ABCB1: variants seen among roughly 807,000 people sequenced by gnomAD.
The protein encoded by ABCB1 is ATP-dependent translocase ABCB1.
A neutral mutation model predicts 142.0 loss-of-function variants in ABCB1; 69 were observed. The observed-to-expected ratio is 0.49, with a 90% confidence interval of 0.40 to 0.59. The LOEUF is 0.59. Among genes scored for constraint, ABCB1 ranks in the 20% least tolerant of loss-of-function variants. The pLI is 0.00. For missense variants in ABCB1, 1,326 were observed against 1,554.7 expected (o/e 0.85, Z 2.47); for synonymous variants, 532 against 539.2 (o/e 0.99, Z 0.18).
rs757734033 is a variant in ABCB1, at chr7:87,545,994, C to T, written c.1756G>A (p.Ala586Thr). The change falls in exon 15 of 28, where the codon GCT (alanine) becomes ACT (threonine). Residue 586 changes from alanine (A) to threonine (T), a missense_variant. Physicochemically the swap from Ala to Thr is moderately conservative, Grantham distance 58 (BLOSUM62 0). Coordinates refer to ENST00000622132, the MANE Select transcript of ABCB1 (RefSeq NM_001348946.2). ...TTACGAACTGTAGACAAACGATGAG[C>T]TATCACAATGGTGGTCCGACCTTTT... ...ARKGRTTIVI[A>T]HRLSTVRNAD... 1.2e-6 allele frequency: 2 copies of T among 1,613,978 alleles called. No homozygotes were observed. The highest frequency in any genetic ancestry group is 1.3e-5 in the African/African-American group (1 of 74,912).
At position 87,655,132 on chromosome 7, in the gene ABCB1, A is replaced by G. The variant is rs373318122; in HGVS notation, c.-330-54054T>C. On this transcript the variant is annotated intron_variant, in intron 1 of 28. Transcript: ENST00000265724. ...AAACATTATGGAGGTTCCTCAAAAA[A>G]TTAAAAATAGAACTGCCATTAGTCT... 1.3e-4 allele frequency among the ~76,000 whole-genome samples: 20 copies of G among 152,246 alleles called. No homozygotes were observed. In the East Asian group the frequency reaches 3.1e-3, roughly 24 times the overall value.
intron 8 of ABCB1, among the ~76,000 whole-genome samples, chr7:87,560,295 A>G (rs1025315694): frequency 1.1e-4 from 17 of 152,238 alleles, no homozygotes; most frequent in African/African-American, 3.6e-4. Context: ...CTTAACCATT[A>G]TAAATTATTC....
rs2117068010 is a variant in ABCB1 at position 87,509,373 on chromosome 7, T to G, written c.3391A>C (p.Ile1131Leu). 1.9e-6 allele frequency: 3 copies of G among 1,614,176 alleles called. No homozygotes were observed. Among genetic ancestry groups the G allele is most frequent in the Non-Finnish European group, 1.7e-6 (2 of 1,180,024 alleles). The change falls in exon 26 of 28, where the codon ATT becomes CTT. Residue 1131 changes from isoleucine (I) to leucine (L), a missense_variant. Coordinates refer to ENST00000622132, the MANE Select transcript of ABCB1 (RefSeq NM_001348946.2). ...ACCCGGCTGTTGTCTCCATAGGCAA[T>G]GTTCTCAGCAATGCTGCAGTCAAAC... is the stretch of plus-strand genomic sequence containing the variant. ...ILFDCSIAEN[I>L]AYGDNSRVVS...
At chr7:87,520,720 A>T in intron 22 of ABCB1, 56 bp downstream of exon 22, 1 of 1,486,980 alleles carries the variant, frequency 6.7e-7, no homozygotes, top group Non-Finnish European at 9.4e-7. Context: ...TCTGAAAACA[A>T]ATATGATGAT....
intron 1 of ABCB1, among the ~76,000 whole-genome samples, chr7:87,681,858 G>C (rs1357368504): frequency 6.6e-6 from 1 of 152,166 alleles, no homozygotes; most frequent in Non-Finnish European, 1.5e-5. Flanking sequence ...CAAAGAGACA[G>C]CAGTGAATTT....
At chr7:87,588,151 C>CT (rs1355143943) in intron 3 of ABCB1, among the ~76,000 whole-genome samples, 1 of 119,210 alleles carries the variant, frequency 8.4e-6, no homozygotes, top group African/African-American at 2.7e-5. Flanking sequence ...CTCATATTTC[C>CT]TTTTGTTTTT....
At chr7:87,658,942 A>T (rs1200609244) in intron 1 of ABCB1, among the ~76,000 whole-genome samples, 1 of 152,234 alleles carries the variant, frequency 6.6e-6, no homozygotes, top group African/African-American at 2.4e-5. Flanking sequence ...ACTTGAGCTC[A>T]GTAGTTCAAG....
At chr7:87,603,424 C>T (rs1393933525), upstream of ABCB1, among the ~76,000 whole-genome samples, 1 of 152,226 alleles carries the variant, frequency 6.6e-6, no homozygotes, top group African/African-American at 2.4e-5. Context: ...TATCATAGGA[C>T]ACACCACTTC....
Position 87,504,135 on chromosome 7 carries a change from T to G in ABCB1, c.*108A>C, listed in dbSNP as rs201524771. The G allele has an allele frequency of 1.1e-5, 16 of 1,428,912 alleles. No individual in the cohort carries two copies. The South Asian group carries it at 2.0e-4, about 18-fold the overall frequency. 88.5% of individuals were successfully genotyped at this position (1,428,912 alleles called of 1,614,324 possible). A position where few individuals can be genotyped will look rare whatever the true frequency, so the allele number is the denominator to read the frequency against. On this transcript the variant is annotated 3_prime_UTR_variant, in exon 28 of 28. Coordinates refer to ENST00000622132, the MANE Select transcript of ABCB1 (RefSeq NM_001348946.2). ...GACTCTGAACTTGACTGAGGAAATGTTAAACAGATACCTCTTCATAATTCT... is the reference window on the plus strand; with the variant it reads ...GACTCTGAACTTGACTGAGGAAATGGTAAACAGATACCTCTTCATAATTCT...
chr7:87,623,987 C>G (rs1820318259), intron 1 of ABCB1, among the ~76,000 whole-genome samples: 1 of 152,168 alleles, frequency 6.6e-6, no homozygotes. Context: ...ATTTGGCTTT[C>G]ACATTCATTG....
chr7:87,512,676 C>A (rs1425118786), intron 25 of ABCB1, among the ~76,000 whole-genome samples: 2 of 152,184 alleles, frequency 1.3e-5, no homozygotes, highest in Non-Finnish European at 2.9e-5. Context: ...TTATTCAGGG[C>A]TACTCATTGA....
At chr7:87,512,292 A>G (rs927732930) in intron 25 of ABCB1, among the ~76,000 whole-genome samples, 8 of 152,096 alleles carry the variant, frequency 5.3e-5, no homozygotes, top group Non-Finnish European at 1.2e-4. Flanking sequence ...TAGCTTAATT[A>G]TTCAAGACTC....
Position 87,677,437 on chromosome 7 carries a change from G to A in ABCB1, c.-331+35724C>T, listed in dbSNP as rs190760965. Among the ~76,000 whole-genome samples the A allele has an allele frequency of 1.4e-3, 205 of 151,768 alleles. 1 individual carries two copies. Among genetic ancestry groups the A allele is most frequent in the Non-Finnish European group, 5.3e-4 (36 of 67,928 alleles). ...CAAGACACAGAAAGACAAATACCACGTGATCTCATGTATTAGATATGGAGC... is the reference window on the plus strand; with the variant it reads ...CAAGACACAGAAAGACAAATACCACATGATCTCATGTATTAGATATGGAGC... On this transcript the variant is annotated intron_variant, in intron 1 of 28. Transcript: ENST00000265724.
At chr7:87,700,295 G>A (rs1464362496) in intron 1 of ABCB1, 5 of 696,252 alleles carry the variant, frequency 7.2e-6, no homozygotes, top group Non-Finnish European at 1.1e-5. Flanking sequence ...CACCTAGATT[G>A]GTGGTGCCCT....
intron 1 of ABCB1, among the ~76,000 whole-genome samples, chr7:87,608,252 C>T (rs568266207): frequency 4.6e-5 from 7 of 152,314 alleles, no homozygotes; most frequent in Admixed American, 2.6e-4. Context: ...GCAACTAAAA[C>T]TCCTTACTTG....
chr7:87,539,492 T>C (rs1419860542), intron 18 of ABCB1, 147 bp from the exon 19 acceptor site: 39 of 851,186 alleles, frequency 4.6e-5, no homozygotes, highest in Admixed American at 1.6e-4. Context: ...CTGTGTGCCA[T>C]GGCACAAGGC....
chr7:87,595,324 G>C (rs1819153722), intron 3 of ABCB1, among the ~76,000 whole-genome samples: 1 of 152,038 alleles, frequency 6.6e-6, no homozygotes, highest in Non-Finnish European at 1.5e-5. Flanking sequence ...AATGGATTTT[G>C]AACTAAAATT....
intron 14 of ABCB1, among the ~76,000 whole-genome samples, chr7:87,547,234 A>G (rs1221105902): frequency 6.6e-6 from 1 of 152,228 alleles, no homozygotes; most frequent in Non-Finnish European, 1.5e-5. Context: ...AAAAAGAAAA[A>G]ATACACAAGG....
chr7:87,559,393 A>G (rs1817453026), intron 8 of ABCB1, among the ~76,000 whole-genome samples: 1 of 152,062 alleles, frequency 6.6e-6, no homozygotes, highest in Admixed American at 6.6e-5. Context: ...GCAATTTAAA[A>G]ATAGATTTTT....
Sources: allele counts gnomAD v4.1 joint callset (sites outside exome capture counted in the v4.1 genomes callset), GRCh38; gene constraint gnomAD v4.1.1; transcripts MANE v1.5; gene names NCBI Gene and HGNC (gene_info 2026-07-23, HGNC 2026-07-21).